COG5: variants seen among roughly 807,000 people sequenced by gnomAD.
COG5 encodes the protein component of oligomeric golgi complex 5, also known as conserved oligomeric Golgi complex subunit 5.
COG5 carries 86 observed loss-of-function variants against 110.4 expected under a neutral mutation model. The ratio of observed to expected loss-of-function variants is 0.78; its 90% CI spans 0.65 to 0.93. The LOEUF (loss-of-function observed/expected upper bound fraction) is 0.93. COG5 is among the 40% of genes least tolerant of loss of function. COG5 has a pLI of 0.00. For synonymous variants in COG5, 360 were observed against 334.6 expected (o/e 1.08, Z -0.83); for missense variants, 1,077 against 987.0 (o/e 1.09, Z -1.22).
chr7:107,474,366 C>T lies in COG5; in HGVS notation c.538+52871G>A, dbSNP rs1036638774. 2.5e-6 allele frequency: 4 copies of T among 1,612,514 alleles called. No homozygotes were observed. The highest frequency in any genetic ancestry group is 4.5e-5 in the East Asian group (2 of 44,868). On this transcript the variant is annotated intron_variant, in intron 6 of 21. Coordinates refer to ENST00000297135, the MANE Select transcript of COG5 (RefSeq NM_006348.5). The surrounding 1 kb of genome is among the most constrained non-coding windows in gnomAD (Gnocchi z 5.7). Reference sequence around the variant, plus strand: ...GATGTATTCCTCTAACTATAGTTATCCTTCTGCTTTCACTGGAGAGTAACA... The same window carrying T: ...GATGTATTCCTCTAACTATAGTTATTCTTCTGCTTTCACTGGAGAGTAACA...
chr7:107,355,787 G>A (rs934779794), intron 10 of COG5, among the ~76,000 whole-genome samples: 1 of 152,232 alleles, frequency 6.6e-6, no homozygotes, highest in African/African-American at 2.4e-5. Context: ...AAGTAGGAAT[G>A]AATAGGTAGA....
chr7:107,313,303 T>A (rs892633730), intron 11 of COG5, among the ~76,000 whole-genome samples: 5 of 152,018 alleles, frequency 3.3e-5, no homozygotes, highest in African/African-American at 1.2e-4. Flanking sequence ...ACCAACCCAA[T>A]CCTAGAGTGA....
chr7:107,557,911 T>C (rs1803442614), intron 2 of COG5, 65 bp downstream of exon 2: 1 of 1,554,836 alleles, frequency 6.4e-7, no homozygotes, highest in Admixed American at 1.7e-5. Flanking sequence ...TTAATAAGAT[T>C]ACAAAAATGC....
chr7:107,479,534 G>A (rs2129118531), intron 6 of COG5, among the ~76,000 whole-genome samples: 1 of 152,154 alleles, frequency 6.6e-6, no homozygotes, highest in Middle Eastern at 3.4e-3. Context: ...CAACGTGAAG[G>A]CAGAGTCAAT....
chr7:107,247,641 C>CCTGTT (rs1337430035), intron 17 of COG5, among the ~76,000 whole-genome samples: 3 of 152,270 alleles, frequency 2.0e-5, no homozygotes, highest in Non-Finnish European at 4.4e-5. Flanking sequence ...TCACAGCAAG[C>CCTGTT]ATTTGCAAAT....
intron 7 of COG5, among the ~76,000 whole-genome samples, chr7:107,385,349 A>C (rs546122459): frequency 1.3e-5 from 2 of 152,294 alleles, no homozygotes; most frequent in African/African-American, 4.8e-5. Flanking sequence ...CAGTTGTGGC[A>C]ATTTTTTCTT....
intron 14 of COG5, among the ~76,000 whole-genome samples, chr7:107,278,715 G>A (rs1381072928): frequency 6.6e-6 from 1 of 152,060 alleles, no homozygotes; most frequent in Admixed American, 6.5e-5. Context: ...AAATGGTGTT[G>A]GGAAAACTGG....
rs546249967 is a variant in COG5, at chr7:107,520,306, C to G, written c.538+6931G>C. Among the ~76,000 whole-genome samples, 3 of 152,194 alleles carry G rather than the reference C, an allele frequency of 2.0e-5. No homozygotes were observed. In the East Asian group the frequency reaches 5.8e-4, roughly 29 times the overall value. On this transcript the variant is annotated intron_variant, in intron 6 of 21. Transcript: ENST00000297135. ...GGAAGTTCTGGCCAGGGCAAGCAGG[C>G]AACAGAAAGAAATAAAGCGTATTCA... is the stretch of plus-strand genomic sequence containing the variant.
intron 10 of COG5, among the ~76,000 whole-genome samples, chr7:107,334,579 C>A (rs998024381): frequency 6.6e-6 from 1 of 151,982 alleles, no homozygotes; most frequent in African/African-American, 2.4e-5. Context: ...TACAATTGGT[C>A]TGGCAACAGA....
At chr7:107,549,340 A>T (rs1802708920) in intron 3 of COG5, 1 of 152,174 alleles carries the variant, frequency 6.6e-6, no homozygotes, top group African/African-American at 2.4e-5. Context: ...ACCTTGTTCC[A>T]GCTCTCAGAA....
intron 10 of COG5, among the ~76,000 whole-genome samples, chr7:107,358,223 T>C (rs1354069936): frequency 3.3e-5 from 5 of 152,172 alleles, no homozygotes; most frequent in Admixed American, 1.3e-4. Flanking sequence ...GGAATAACAA[T>C]ATGCAAAGTA....
At chr7:107,241,626 A>G (rs1801641910) in intron 17 of COG5, among the ~76,000 whole-genome samples, 1 of 151,054 alleles carries the variant, frequency 6.6e-6, no homozygotes, top group Non-Finnish European at 1.5e-5. Context: ...TAATTTTTTT[A>G]TATTTTTAGT....
chr7:107,209,592 C>T (rs1799017252), intron 21 of COG5: 1 of 159,172 alleles, frequency 6.3e-6, no homozygotes, highest in African/African-American at 2.4e-5. Context: ...GAAATGATAG[C>T]ATTTAAGGAA....
intron 7 of COG5, among the ~76,000 whole-genome samples, chr7:107,404,236 T>C (rs959408881): frequency 5.9e-5 from 9 of 152,134 alleles, no homozygotes; most frequent in African/African-American, 2.2e-4. Context: ...ATCAACACTT[T>C]TGAGGAATCA....
At chr7:107,310,751 A>C (rs1808157475) in intron 11 of COG5, among the ~76,000 whole-genome samples, 1 of 152,184 alleles carries the variant, frequency 6.6e-6, no homozygotes, top group Non-Finnish European at 1.5e-5. Context: ...AGACATCCCA[A>C]AAGAAGAGGC....
intron 6 of COG5, among the ~76,000 whole-genome samples, chr7:107,467,479 C>T (rs1051865654): frequency 2.6e-5 from 4 of 152,094 alleles, no homozygotes; most frequent in African/African-American, 4.8e-5. Context: ...TCCTCAACCT[C>T]GCGAGGAGCT....
intron 3 of COG5, 22 bp from the exon 4 acceptor site, chr7:107,548,354 T>A: frequency 6.2e-7 from 1 of 1,611,868 alleles, no homozygotes; most frequent in Non-Finnish European, 8.5e-7. Flanking sequence ...TAAGTTTACA[T>A]TGGCTTTACA....
chr7:107,395,269 GGGGAGAAAGAGA>G (rs1790901599), intron 7 of COG5, among the ~76,000 whole-genome samples: 1 of 152,026 alleles, frequency 6.6e-6, no homozygotes, highest in African/African-American at 2.4e-5. Flanking sequence ...AAAGAAAAGT[GGGGAGAAAGAGA>G]GGGAGAATGA....
chr7:107,281,338 T>G lies in COG5; in HGVS notation c.1537A>C (p.Lys513Gln), dbSNP rs761549417. 1 of 1,613,520 alleles carries G rather than the reference T, an allele frequency of 6.2e-7. No individual in the cohort carries two copies. The highest frequency in any genetic ancestry group is 8.5e-7 in the Non-Finnish European group (1 of 1,179,588). ...TTTACACTGTATAACTGGATGGTCT[T>G]TGCCACATTTTTTGACACAGCTAAT... The part of the protein sequence containing the change: ...LTLAVSKNVA[K>Q]TIQLYSVKSE... Residue 513 changes from lysine (K) to glutamine (Q), a missense_variant, in exon 14 of 22, where the codon AAG becomes CAG. Coordinates refer to ENST00000297135, the MANE Select transcript of COG5 (RefSeq NM_006348.5).
Sources: gnomAD v4.1 joint callset for allele counts (sites outside exome capture counted in the v4.1 genomes callset) on GRCh38, gnomAD v4.1.1 for gene constraint, Gnocchi (gnomAD v3.1) non-coding constraint, MANE v1.5 for transcripts, NCBI Gene and HGNC (gene_info 2026-07-23, HGNC 2026-07-21) for gene names.